GRID2: variants seen among roughly 807,000 people sequenced by gnomAD.
GRID2 encodes glutamate ionotropic receptor delta type subunit 2, also known as glutamate receptor ionotropic, delta-2.
Under a neutral mutation model 114.8 loss-of-function variants are expected in GRID2, and 33 were observed. That is an observed-to-expected ratio of 0.29 (90% confidence interval 0.22 to 0.38). The LOEUF (loss-of-function observed/expected upper bound fraction) is 0.38. Ranked by LOEUF, GRID2 falls within the 10% of genes least tolerant of loss-of-function variation. The pLI, the probability that GRID2 is intolerant of heterozygous loss-of-function variation, is 1.00. For synonymous variants in GRID2, 505 were observed against 449.9 expected, an observed-to-expected ratio of 1.12 and a Z score of -1.55; for missense variants, 1,184 against 1,257.7, an observed-to-expected ratio of 0.94 and a Z score of 0.89.
chr4:93,514,208 T>A (rs1729468249), intron 12 of GRID2, among the ~76,000 whole-genome samples: 1 of 152,124 alleles, frequency 6.6e-6, no homozygotes, highest in African/African-American at 2.4e-5. Context: ...TAACTGGTTC[T>A]TTAAGCTGCA....
At chr4:93,579,365 G>C (rs1277211932) in intron 13 of GRID2, among the ~76,000 whole-genome samples, 1 of 152,024 alleles carries the variant, frequency 6.6e-6, no homozygotes, top group African/African-American at 2.4e-5. Flanking sequence ...AGCCCAATAG[G>C]TGATAGGAAT....
At chr4:92,886,840 T>C (rs1315967308) in intron 2 of GRID2, among the ~76,000 whole-genome samples, 3 of 152,208 alleles carry the variant, frequency 2.0e-5, no homozygotes, top group South Asian at 2.1e-4. Context: ...TTAGCCAGGA[T>C]GGCCTTGAAA....
intron 4 of GRID2, among the ~76,000 whole-genome samples, chr4:93,138,065 C>T (rs1447283698): frequency 3.4e-5 from 5 of 148,484 alleles, no homozygotes; most frequent in African/African-American, 4.9e-5. Flanking sequence ...TTCCACCTCC[C>T]GTGCTCAAAC....
chr4:93,104,381 C>T (rs533810360), intron 3 of GRID2, among the ~76,000 whole-genome samples: 50 of 151,980 alleles, frequency 3.3e-4, no homozygotes, highest in Non-Finnish European at 6.0e-4. Flanking sequence ...TATGTATACA[C>T]GTGCCATGCT....
chr4:92,918,427 A>G lies in GRID2; in HGVS notation c.245-166568A>G, dbSNP rs372320801. ...GTGAGAGAGGGCATCCCTGTCTTGT[A>G]CCAGTTTTCAAAGGGAATGCTTCCA... On this transcript the variant is annotated intron_variant, in intron 2 of 15. Coordinates refer to ENST00000282020, the MANE Select transcript of GRID2 (RefSeq NM_001510.4). Among the ~76,000 whole-genome samples, 531 of 152,106 alleles carry G rather than the reference A, an allele frequency of 3.5e-3. 4 individuals are homozygous for G. The highest frequency in any genetic ancestry group is 0.027 in the South Asian group (131 of 4,814).
chr4:92,910,456 A>G (rs1369674961), intron 2 of GRID2, among the ~76,000 whole-genome samples: 1 of 152,126 alleles, frequency 6.6e-6, no homozygotes, highest in Non-Finnish European at 1.5e-5. Flanking sequence ...TTTGATTTAC[A>G]TGATTTTATT....
chr4:93,381,941 T>A (rs542301362), intron 8 of GRID2, among the ~76,000 whole-genome samples: 1 of 152,208 alleles, frequency 6.6e-6, no homozygotes, highest in South Asian at 2.1e-4. Flanking sequence ...AGTCTAGTGT[T>A]AACAAACTCC....
intron 8 of GRID2, among the ~76,000 whole-genome samples, chr4:93,322,155 T>G (rs1757298085): frequency 6.6e-6 from 1 of 151,950 alleles, no homozygotes; most frequent in African/African-American, 2.4e-5. Context: ...CATTAACCTA[T>G]CATTTACATT....
chr4:93,407,445 T>G (rs1322282329), intron 9 of GRID2, among the ~76,000 whole-genome samples: 1 of 152,130 alleles, frequency 6.6e-6, no homozygotes, highest in East Asian at 1.9e-4. Flanking sequence ...TCCTTGGGAT[T>G]TTTAATGATC....
chr4:92,585,488 T>A (rs902553535), intron 1 of GRID2, among the ~76,000 whole-genome samples: 14 of 152,042 alleles, frequency 9.2e-5, no homozygotes, highest in African/African-American at 3.4e-4. Flanking sequence ...TGTTTTTATA[T>A]AAGTTTTTCT....
intron 1 of GRID2, among the ~76,000 whole-genome samples, chr4:92,486,565 A>T (rs1459924953): frequency 1.1e-4 from 16 of 151,014 alleles, no homozygotes; most frequent in African/African-American, 3.9e-4. Flanking sequence ...ACACACACAC[A>T]CACACACACA....
At chr4:93,287,094 TA>T (rs1363744770) in intron 8 of GRID2, among the ~76,000 whole-genome samples, 1 of 152,106 alleles carries the variant, frequency 6.6e-6, no homozygotes, top group Non-Finnish European at 1.5e-5. Flanking sequence ...TTCTATTTCT[TA>T]TAACTTAAGT....
intron 2 of GRID2, among the ~76,000 whole-genome samples, chr4:92,634,912 A>G (rs934406688): frequency 1.1e-4 from 16 of 151,860 alleles, no homozygotes; most frequent in African/African-American, 3.9e-4. Flanking sequence ...TGAGAGATTT[A>G]AGTTGATTCA....
At chr4:93,375,094 A>C (rs1251663424) in intron 8 of GRID2, among the ~76,000 whole-genome samples, 5 of 152,066 alleles carry the variant, frequency 3.3e-5, no homozygotes, top group Admixed American at 2.0e-4. Context: ...GAATTTCATA[A>C]ACCGTAACCT....
intron 1 of GRID2, among the ~76,000 whole-genome samples, chr4:92,400,795 C>T (rs1214549829): frequency 2.6e-5 from 4 of 152,016 alleles, no homozygotes; most frequent in Non-Finnish European, 4.4e-5. Context: ...AAAAATTATC[C>T]TTGTGAGTGT....
At chr4:93,173,117 T>C (rs994222131) in intron 4 of GRID2, among the ~76,000 whole-genome samples, 15 of 152,200 alleles carry the variant, frequency 9.9e-5, no homozygotes, top group African/African-American at 3.4e-4. Flanking sequence ...ACATTATTTT[T>C]ATTTATATGT....
At chr4:93,168,100 G>A (rs1453926809) in intron 4 of GRID2, among the ~76,000 whole-genome samples, 2 of 152,038 alleles carry the variant, frequency 1.3e-5, no homozygotes, top group Non-Finnish European at 2.9e-5. Context: ...GGAGGCTAAG[G>A]CATAAGAATC....
intron 2 of GRID2, among the ~76,000 whole-genome samples, chr4:92,945,793 A>C (rs1415407492): frequency 6.6e-6 from 1 of 152,122 alleles, no homozygotes; most frequent in Non-Finnish European, 1.5e-5. Flanking sequence ...TCATTTGATC[A>C]TCTTATTTTC....
At chr4:93,791,872 C>T (rs2110359318) in intron 1 of GRID2, among the ~76,000 whole-genome samples, 1 of 152,264 alleles carries the variant, frequency 6.6e-6, no homozygotes, top group African/African-American at 2.4e-5. Context: ...AGTCTCAGCC[C>T]TCTTTTGAAA....
Sources: allele counts gnomAD v4.1 joint callset (sites outside exome capture counted in the v4.1 genomes callset), GRCh38; gene constraint gnomAD v4.1.1; transcripts MANE v1.5; gene names NCBI Gene and HGNC (gene_info 2026-07-23, HGNC 2026-07-21).